TENM3: variants seen among roughly 807,000 people sequenced by gnomAD.
TENM3 encodes teneurin-3.
TENM3 carries 63 observed loss-of-function variants against 255.1 expected under a neutral mutation model. The ratio of observed to expected loss-of-function variants is 0.25; its 90% CI spans 0.20 to 0.30. The LOEUF is 0.30. TENM3 is among the 10% of genes least tolerant of loss of function. The probability of loss-of-function intolerance (pLI) is 1.00; values close to 1 mark genes in which losing one functional copy is unlikely to be tolerated. For missense variants in TENM3, 2,929 were observed against 3,461.1 expected (o/e 0.85, Z 3.86); for synonymous variants, 1,306 against 1,322.3 (o/e 0.99, Z 0.27).
chr4:181,694,376 C>A, the TENM3 span, among the ~76,000 whole-genome samples: 1 of 152,128 alleles, frequency 6.6e-6, no homozygotes, highest in South Asian at 2.1e-4. Flanking sequence ...TTACTAAGCA[C>A]CTACTCCTGG....
At chr4:182,679,268 G>A (rs370839899) in intron 7 of TENM3, among the ~76,000 whole-genome samples, 24 of 152,220 alleles carry the variant, frequency 1.6e-4, no homozygotes, top group African/African-American at 4.8e-4. Context: ...CTCAAAATAC[G>A]TACGACTATT....
At chr4:182,327,046 G>A (rs1308144689) in intron 2 of TENM3, among the ~76,000 whole-genome samples, 2 of 152,174 alleles carry the variant, frequency 1.3e-5, no homozygotes, top group African/African-American at 4.8e-5. Flanking sequence ...GTGTAGGAGA[G>A]AAACGAGTAA....
chr4:181,709,725 G>A, the TENM3 span, among the ~76,000 whole-genome samples: 1 of 152,262 alleles, frequency 6.6e-6, no homozygotes, highest in African/African-American at 2.4e-5. Flanking sequence ...ATGGAAACAA[G>A]ATTAACTGGG....
At chr4:182,437,455 C>T (rs1409739722) in intron 3 of TENM3, among the ~76,000 whole-genome samples, 1 of 151,000 alleles carries the variant, frequency 6.6e-6, no homozygotes, top group East Asian at 2.0e-4. Context: ...TCAAGATCAG[C>T]CTGGGCAACA....
intron 3 of TENM3, among the ~76,000 whole-genome samples, chr4:182,450,663 C>G (rs1257031077): frequency 2.0e-5 from 3 of 152,172 alleles, no homozygotes; most frequent in African/African-American, 7.2e-5. Flanking sequence ...CACCTGGTTC[C>G]TTTCTCTCAT....
chr4:181,832,014 G>GTGTGTGTGTGTGTA, the TENM3 span, among the ~76,000 whole-genome samples: 1 of 136,258 alleles, frequency 7.3e-6, no homozygotes, highest in Non-Finnish European at 1.6e-5. Flanking sequence ...GTGTGTGTGT[G>GTGTGTGTGTGTGTA]TGTATAAAAT....
chr4:182,052,545 C>T, the TENM3 span, among the ~76,000 whole-genome samples: 3,998 of 152,242 alleles, frequency 0.026, 192 homozygotes, highest in African/African-American at 0.089. Flanking sequence ...TACCTTTTCC[C>T]TCGTTTTCAT....
At chr4:182,630,014 C>T (rs1163495414) in intron 5 of TENM3, among the ~76,000 whole-genome samples, 2 of 152,148 alleles carry the variant, frequency 1.3e-5, no homozygotes, top group African/African-American at 4.8e-5. Flanking sequence ...TGGAAGACAT[C>T]ATTAATGATT....
chr4:181,792,732 T>C, the TENM3 span, among the ~76,000 whole-genome samples: 2 of 152,302 alleles, frequency 1.3e-5, no homozygotes, highest in Admixed American at 6.5e-5. Flanking sequence ...AGCAATGCAA[T>C]ACATTTTGTC....
chr4:182,330,282 G>GT (rs1561328614), intron 2 of TENM3, among the ~76,000 whole-genome samples: 1 of 152,196 alleles, frequency 6.6e-6, no homozygotes, highest in Non-Finnish European at 1.5e-5. Context: ...GTAAACTTGT[G>GT]TTTTTTTGTG....
intron 12 of TENM3, among the ~76,000 whole-genome samples, chr4:182,703,457 A>AGTGGGCTG (rs1758043800): frequency 6.6e-6 from 1 of 152,216 alleles, no homozygotes; most frequent in Non-Finnish European, 1.5e-5. Context: ...ACTGGAAGTT[A>AGTGGGCTG]GTGGGCTGGA....
chr4:182,210,185 C>T (rs1161313604), intron 1 of TENM3, among the ~76,000 whole-genome samples: 3 of 152,142 alleles, frequency 2.0e-5, no homozygotes, highest in Non-Finnish European at 2.9e-5. Context: ...ACGGTCACAC[C>T]GACACCATCA....
the TENM3 span, among the ~76,000 whole-genome samples, chr4:181,477,654 G>A: frequency 8.0e-4 from 122 of 152,166 alleles, no homozygotes; most frequent in African/African-American, 2.7e-3. Context: ...TTTTATATAC[G>A]TAAAATATTT....
the TENM3 span, among the ~76,000 whole-genome samples, chr4:181,537,373 C>T: frequency 6.6e-5 from 10 of 152,090 alleles, no homozygotes; most frequent in African/African-American, 1.9e-4. Context: ...CAAATGCCAG[C>T]GAGGCTAGCA....
At chr4:181,667,102 A>T in the TENM3 span, among the ~76,000 whole-genome samples, 1 of 152,040 alleles carries the variant, frequency 6.6e-6, no homozygotes, top group African/African-American at 2.4e-5. Context: ...GCTGTATGGG[A>T]TCAAAACTTT....
chr4:182,064,183 AT>A, the TENM3 span, among the ~76,000 whole-genome samples: 1 of 147,600 alleles, frequency 6.8e-6, no homozygotes, highest in Non-Finnish European at 1.5e-5. Flanking sequence ...TGTATTACCG[AT>A]TAAAAAAAAA....
chr4:182,622,752 C>T (rs922212590), intron 4 of TENM3, among the ~76,000 whole-genome samples: 4 of 152,160 alleles, frequency 2.6e-5, no homozygotes, highest in Non-Finnish European at 5.9e-5. Context: ...CACTTTTCCT[C>T]GTCTACATAA....
chr4:182,433,741 G>T (rs1453274568), intron 3 of TENM3, among the ~76,000 whole-genome samples: 1 of 152,178 alleles, frequency 6.6e-6, no homozygotes, highest in Non-Finnish European at 1.5e-5. Context: ...CTAGAATATG[G>T]GTTGGAGTGT....
the TENM3 span, among the ~76,000 whole-genome samples, chr4:181,881,475 G>A: frequency 6.6e-6 from 1 of 151,928 alleles, no homozygotes; most frequent in Admixed American, 6.6e-5. Context: ...CAAATTATCA[G>A]GAAAAAGTGA....
Sources: gnomAD v4.1 joint callset for allele counts (sites outside exome capture counted in the v4.1 genomes callset) on GRCh38, gnomAD v4.1.1 for gene constraint, MANE v1.5 for transcripts, NCBI Gene and HGNC (gene_info 2026-07-23, HGNC 2026-07-21) for gene names.